The following ADGRF5 variants were observed in gnomAD, a reference collection of about 807,000 sequenced individuals.
The protein encoded by ADGRF5 is G-protein coupled receptor 116.
ADGRF5 carries 75 observed loss-of-function variants against 132.3 expected under a neutral mutation model. The observed-to-expected ratio is 0.57, with a 90% CI of 0.47 to 0.69. The LOEUF is 0.69. Among genes scored for constraint, ADGRF5 ranks in the 30% least tolerant of loss-of-function variants. The pLI, the probability that ADGRF5 is intolerant of heterozygous loss-of-function variation, is 0.00. For synonymous variants in ADGRF5, 629 were observed against 597.6 expected, an observed-to-expected ratio of 1.05 and a Z score of -0.77; for missense variants, 1,516 against 1,630.6, an observed-to-expected ratio of 0.93 and a Z score of 1.21.
At chr6:46,922,269 C>T (rs1582028898), upstream of ADGRF5, among the ~76,000 whole-genome samples, 1 of 152,112 alleles carries the variant, frequency 6.6e-6, no homozygotes, top group Non-Finnish European at 1.5e-5. Flanking sequence ...TTAAGACTAT[C>T]GATGAATTCT....
At chr6:46,930,584 G>A (rs1229533994) in intron 1 of ADGRF5, among the ~76,000 whole-genome samples, 1 of 152,204 alleles carries the variant, frequency 6.6e-6, no homozygotes, top group African/African-American at 2.4e-5. Context: ...CATGCAGCTT[G>A]CATGTAAAAA....
At chr6:46,952,973 A>G (rs1328060377) in intron 1 of ADGRF5, among the ~76,000 whole-genome samples, 2 of 152,318 alleles carry the variant, frequency 1.3e-5, no homozygotes, top group African/African-American at 4.8e-5. Context: ...GGGAAGATGA[A>G]TAGAGGTGTC....
At chr6:46,932,314 C>T (rs1425180464) in intron 1 of ADGRF5, among the ~76,000 whole-genome samples, 1 of 152,032 alleles carries the variant, frequency 6.6e-6, no homozygotes, top group African/African-American at 2.4e-5. Flanking sequence ...AACTAAAACG[C>T]TAGGTAACTG....
At chr6:46,869,220 C>CTACTCAT (rs1770788060) in intron 11 of ADGRF5, 128 bp from the exon 12 acceptor site, 3 of 1,491,914 alleles carry the variant, frequency 2.0e-6, no homozygotes, top group Non-Finnish European at 2.7e-6. Context: ...CATCCTGACT[C>CTACTCAT]TACTCATGTC....
At chr6:46,888,543 A>G in intron 3 of ADGRF5, 38 bp from the exon 4 acceptor site, 1 of 1,416,880 alleles carries the variant, frequency 7.1e-7, no homozygotes. Flanking sequence ...AGAACTTACC[A>G]TGGGAGATGG....
At chr6:46,878,519 G>C (rs898661100) in intron 9 of ADGRF5, 114 bp from the exon 10 acceptor site, 13 of 692,142 alleles carry the variant, frequency 1.9e-5, no homozygotes, top group African/African-American at 1.1e-4. Context: ...ATTTTCAAAA[G>C]CATCTGAGAC....
At chr6:46,942,186 G>A (rs1778115055) in intron 1 of ADGRF5, among the ~76,000 whole-genome samples, 2 of 152,100 alleles carry the variant, frequency 1.3e-5, no homozygotes, top group African/African-American at 4.8e-5. Context: ...TCCTCCCCCT[G>A]TCAAAGCACC....
intron 11 of ADGRF5, among the ~76,000 whole-genome samples, chr6:46,869,992 T>C (rs998386005): frequency 4.6e-5 from 7 of 152,086 alleles, no homozygotes; most frequent in African/African-American, 1.7e-4. Context: ...TATATGAGCT[T>C]CCCACTATTT....
chr6:46,941,063 A>T (rs1427287265), intron 1 of ADGRF5, among the ~76,000 whole-genome samples: 1 of 152,126 alleles, frequency 6.6e-6, no homozygotes, highest in Non-Finnish European at 1.5e-5. Flanking sequence ...AGGCCTACTC[A>T]GTGGCTCACA....
intron 5 of ADGRF5, 88 bp downstream of exon 5, chr6:46,884,007 G>A: frequency 9.4e-7 from 1 of 1,066,246 alleles, no homozygotes. Flanking sequence ...CTATCAAAGT[G>A]CTGGGATTAC....
intron 12 of ADGRF5, among the ~76,000 whole-genome samples, 180 bp downstream of exon 12, chr6:46,868,703 G>C (rs1005428505): frequency 6.6e-6 from 1 of 152,186 alleles, no homozygotes; most frequent in East Asian, 1.9e-4. Context: ...TACTTTATCT[G>C]TAAATATGGA....
chr6:46,877,785 A>C (rs1168537614), intron 10 of ADGRF5, among the ~76,000 whole-genome samples: 2 of 152,284 alleles, frequency 1.3e-5, no homozygotes, highest in East Asian at 3.9e-4. Context: ...AGTGAGAAGG[A>C]CCAGACACCA....
intron 1 of ADGRF5, among the ~76,000 whole-genome samples, chr6:46,942,900 G>A (rs1035195161): frequency 6.6e-5 from 10 of 152,042 alleles, no homozygotes; most frequent in Non-Finnish European, 1.3e-4. Context: ...GCATGCGTGT[G>A]GATTTGGTTT....
rs1554129997 is a variant in ADGRF5 at position 46,941,416 on chromosome 6, G to GAAAAGAAAAGAA, written c.-25+13306_-25+13317dup. Reference sequence around the variant, plus strand: ...GAAAAGAAAAGAAAAGAAAAGAAAAGAAAAGAAAAGAAAAGAAAAGAAAAG... The same window carrying GAAAAGAAAAGAA: ...GAAAAGAAAAGAAAAGAAAAGAAAAGAAAAGAAAAGAAAAAAGAAAAGAAAAGAAAAGAAAAG... On this transcript the variant is annotated intron_variant, in intron 1 of 20. Coordinates refer to the ADGRF5 transcript ENST00000265417. Among the ~76,000 whole-genome samples the GAAAAGAAAAGAA allele has an allele frequency of 8.2e-3, 297 of 36,050 alleles. 6 individuals are homozygous for GAAAAGAAAAGAA. Among genetic ancestry groups the GAAAAGAAAAGAA allele is most frequent in the African/African-American group, 0.025 (227 of 8,988 alleles). The allele number at this position is 36,050 out of a possible 152,430, so 23.7% of individuals were successfully genotyped here.
intron 10 of ADGRF5, among the ~76,000 whole-genome samples, chr6:46,876,595 TGA>T (rs2150823399): frequency 6.6e-6 from 1 of 152,244 alleles, no homozygotes; most frequent in South Asian, 2.1e-4. Context: ...GCCTGTAAAT[TGA>T]TAGTTTTTGT....
intron 19 of ADGRF5, 81 bp from the exon 20 acceptor site, chr6:46,856,139 T>C (rs1349937926): frequency 2.5e-6 from 2 of 797,622 alleles, no homozygotes; most frequent in African/African-American, 1.7e-5. Flanking sequence ...GGATTGATTT[T>C]CCACCCTCTA....
chr6:46,914,306 T>C (rs1272025946), intron 1 of ADGRF5, among the ~76,000 whole-genome samples: 2 of 152,220 alleles, frequency 1.3e-5, no homozygotes, highest in Non-Finnish European at 1.5e-5. Flanking sequence ...TAAATCTGTA[T>C]TTTCAGCTGC....
At chr6:46,898,624 T>G (rs1284999966) in intron 3 of ADGRF5, among the ~76,000 whole-genome samples, 1 of 152,180 alleles carries the variant, frequency 6.6e-6, no homozygotes, top group African/African-American at 2.4e-5. Flanking sequence ...TTTTAAGAGC[T>G]TAATAGAATG....
rs1226474717 is a variant in ADGRF5, at chr6:46,858,424, T to C, written c.3479A>G (p.Asn1160Ser). Reference protein sequence around the residue: ...TQPREVYTRKNVCWLNWEDTK... With the variant: ...TQPREVYTRKSVCWLNWEDTK... ...GTCCTCCCAGTTGAGCCAACAGACA[T>C]TCTTCCTCGTATAGACTTCCCGGGG... is the stretch of plus-strand genomic sequence containing the variant. The change falls in exon 17 of 21, where the codon AAT becomes AGT. Residue 1160 changes from asparagine (N) to serine (S), a missense_variant. Around this residue, in one of 2 missense-constraint regions of ADGRF5, gnomAD observed 571 missense variants for 701.2 expected, o/e 0.81. Transcript: ENST00000283296. The C allele has an allele frequency of 6.2e-7, 1 of 1,613,926 alleles. No individual in the cohort carries two copies. The highest frequency in any genetic ancestry group is 8.5e-7 in the Non-Finnish European group (1 of 1,179,848).
Sources: gnomAD v4.1 joint callset for allele counts (sites outside exome capture counted in the v4.1 genomes callset) on GRCh38, gnomAD v4.1.1 for gene constraint, gnomAD v4.1.1 regional missense constraint, MANE v1.5 for transcripts, NCBI Gene and HGNC (gene_info 2026-07-23, HGNC 2026-07-21) for gene names.